Variants in TIMP2 observed in about 807,000 individuals in gnomAD.
The protein encoded by TIMP2 is TIMP metallopeptidase inhibitor 2, also known as metalloproteinase inhibitor 2.
TIMP2 carries 5 observed loss-of-function variants against 24.3 expected under a neutral mutation model. That is an observed-to-expected ratio of 0.21 (90% CI 0.11 to 0.43). The LOEUF (loss-of-function observed/expected upper bound fraction) is 0.43, where lower values mean the gene tolerates loss of function less well. TIMP2 is among the 20% of genes least tolerant of loss of function. The probability of loss-of-function intolerance (pLI) is 1.00; values close to 1 mark genes in which losing one functional copy is unlikely to be tolerated. For synonymous variants in TIMP2, 130 were observed against 123.2 expected (o/e 1.06, Z -0.37); for missense variants, 221 against 297.5 (o/e 0.74, Z 1.89).
In TIMP2 at chr17:78,924,731, G is replaced by A. The variant is rs2070335553; in HGVS notation, c.130+228C>T. 6.6e-6 allele frequency among the ~76,000 whole-genome samples: 1 copy of A among 152,092 alleles called. No homozygotes were observed. Among genetic ancestry groups the A allele is most frequent in the South Asian group, 2.1e-4 (1 of 4,818 alleles). On this transcript the variant is annotated intron_variant, in intron 1 of 4. Transcript: ENST00000262768. This position sits in a 1 kb window ranked among gnomAD's most constrained non-coding sequence, Gnocchi z 5.3. ...TGCGGCGGAATTTCGGTGGAATTTTGAGGTTGAGACGCATCTCGGCAAAGA... is the reference window on the plus strand; with the variant it reads ...TGCGGCGGAATTTCGGTGGAATTTTAAGGTTGAGACGCATCTCGGCAAAGA...
rs151212651 is a variant in TIMP2, at chr17:78,876,648, C to A, written c.131-2729G>T. Among the ~76,000 whole-genome samples the A allele has an allele frequency of 4.7e-3, 717 of 152,178 alleles. 1 individual carries two copies. The highest frequency in any genetic ancestry group is 0.017 in the African/African-American group (690 of 41,488). On this transcript the variant is annotated intron_variant, in intron 1 of 4. Coordinates refer to ENST00000262768, the MANE Select transcript of TIMP2 (RefSeq NM_003255.5). ...TCTCCTGCCTCAGCCTCCTGAGTAG[C>A]TGGGGTTACAGGTAACTGCCACCTT... is the stretch of plus-strand genomic sequence containing the variant.
Position 78,892,195 on chromosome 17 carries a change from T to C in TIMP2, c.131-18276A>G, listed in dbSNP as rs1292503423. On this transcript the variant is annotated intron_variant, in intron 1 of 4. Transcript: ENST00000262768. ...CAGCCAAGCGCTGGAGCTGGTAGTTTTTCCACAGCTTGGCATCCGCTCTTC... is the reference window on the plus strand; with the variant it reads ...CAGCCAAGCGCTGGAGCTGGTAGTTCTTCCACAGCTTGGCATCCGCTCTTC... 9 of 1,551,052 alleles carry C rather than the reference T, an allele frequency of 5.8e-6. No homozygotes were observed. In the South Asian group the frequency reaches 1.1e-4, roughly 18 times the overall value.
In TIMP2 at chr17:78,873,872, C is replaced by T. The variant is rs2069706618; in HGVS notation, c.178G>A (p.Asp60Asn). Residue 60 changes from aspartate to asparagine, a missense_variant, in exon 2 of 5, where the codon GAC becomes AAC. Transcript: ENST00000262768. ...VSEKEVDSGNDIYGNPIKRIQ... is the reference protein window; with the variant it reads ...VSEKEVDSGNNIYGNPIKRIQ... Reference sequence around the variant, plus strand: ...CTCTTGATAGGGTTGCCATAAATGTCGTTTCCAGAGTCCACTTCCTTCTCA... The same window carrying T: ...CTCTTGATAGGGTTGCCATAAATGTTGTTTCCAGAGTCCACTTCCTTCTCA... 1 of 1,613,460 alleles carries T rather than the reference C, an allele frequency of 6.2e-7. No homozygotes were observed. The highest frequency in any genetic ancestry group is 8.5e-7 in the Non-Finnish European group (1 of 1,180,006).
At chr17:78,915,644 C>T (rs954343476) in intron 1 of TIMP2, among the ~76,000 whole-genome samples, 4 of 151,894 alleles carry the variant, frequency 2.6e-5, no homozygotes, top group South Asian at 2.1e-4. Context: ...CTCAGCCTCC[C>T]GAGTAGCTGG....
intron 1 of TIMP2, among the ~76,000 whole-genome samples, chr17:78,910,217 G>A (rs540913028): frequency 8.0e-5 from 12 of 150,832 alleles, no homozygotes; most frequent in African/African-American, 2.7e-4. Context: ...TTGAGACACG[G>A]AGTCTCGCTC....
Position 78,855,545 on chromosome 17 carries a change from A to G in TIMP2, c.*122T>C. 8.7e-7 allele frequency: 1 copy of G among 1,150,546 alleles called. No homozygotes were observed. The highest frequency in any genetic ancestry group is 2.6e-4 in the Middle Eastern group (1 of 3,786). 71.3% of individuals were successfully genotyped at this position (1,150,546 alleles called of 1,614,324 possible). A position where few individuals can be genotyped will look rare whatever the true frequency, so the allele number is the denominator to read the frequency against. On this transcript the variant is annotated 3_prime_UTR_variant, in exon 5 of 5. Coordinates refer to ENST00000262768, the MANE Select transcript of TIMP2 (RefSeq NM_003255.5). The surrounding 1 kb of genome is among the most constrained non-coding windows in gnomAD (Gnocchi z 6.0). ...AGAAGGGGGGAGCAGAATCATATTA[A>G]TTTGGACCCATGGGATGAGTGTTTT... is the stretch of plus-strand genomic sequence containing the variant.
At chr17:78,871,801 G>T (rs555901063) in intron 2 of TIMP2, among the ~76,000 whole-genome samples, 1 of 150,592 alleles carries the variant, frequency 6.6e-6, no homozygotes, top group South Asian at 2.1e-4. Flanking sequence ...AGCCATGATC[G>T]TGCCACTGCG....
In TIMP2 at chr17:78,924,602, C is replaced by T. The variant is rs1407353971; in HGVS notation, c.130+357G>A. ...CTGGGGTCCCCAGTCCTCCAGCCCC[C>T]CGCCCCCACGCCGTGTCCCCCACGC... is the stretch of plus-strand genomic sequence containing the variant. On this transcript the variant is annotated intron_variant, in intron 1 of 4. Transcript: ENST00000262768. The surrounding 1 kb of genome is among the most constrained non-coding windows in gnomAD (Gnocchi z 5.3). 6.6e-6 allele frequency among the ~76,000 whole-genome samples: 1 copy of T among 152,122 alleles called. No homozygotes were observed. Among genetic ancestry groups the T allele is most frequent in the Non-Finnish European group, 1.5e-5 (1 of 67,998 alleles).
At chr17:78,874,756 T>C (rs1425549213) in intron 1 of TIMP2, among the ~76,000 whole-genome samples, 1 of 150,492 alleles carries the variant, frequency 6.6e-6, no homozygotes, top group Non-Finnish European at 1.5e-5. Flanking sequence ...TTTTTTTTTT[T>C]TTCAGACGGA....
In TIMP2 at chr17:78,855,604, T is replaced by C; in HGVS notation, c.*63A>G. ...TGTTTCCAGGAAGGGATGTCAGAGC[T>C]GGACCAGTCGAAACCCTTGGAGGCT... On this transcript the variant is annotated 3_prime_UTR_variant, in exon 5 of 5. Coordinates refer to ENST00000262768, the MANE Select transcript of TIMP2 (RefSeq NM_003255.5). This position sits in a 1 kb window ranked among gnomAD's most constrained non-coding sequence, Gnocchi z 6.0. The C allele has an allele frequency of 6.4e-7, 1 of 1,572,608 alleles. No individual in the cohort carries two copies. The highest frequency in any genetic ancestry group is 8.7e-7 in the Non-Finnish European group (1 of 1,153,954).
chr17:78,918,062 A>ACGCG (rs1555652939), intron 1 of TIMP2, among the ~76,000 whole-genome samples: 37 of 58,622 alleles, frequency 6.3e-4, no homozygotes, highest in African/African-American at 2.7e-3. Flanking sequence ...GCGTGCACAC[A>ACGCG]CAAACACACA....
intron 2 of TIMP2, among the ~76,000 whole-genome samples, chr17:78,872,000 T>C (rs1351320254): frequency 2.0e-5 from 3 of 151,990 alleles, no homozygotes; most frequent in African/African-American, 7.2e-5. Context: ...CCATGACTTT[T>C]GCATATTTCC....
At chr17:78,866,794 T>C (rs982878847) in intron 3 of TIMP2, among the ~76,000 whole-genome samples, 1 of 152,132 alleles carries the variant, frequency 6.6e-6, no homozygotes, top group African/African-American at 2.4e-5. Flanking sequence ...GTCACACGTA[T>C]GATTCCGTTC....
chr17:78,866,716 A>G (rs988900843), intron 3 of TIMP2, among the ~76,000 whole-genome samples: 1 of 152,172 alleles, frequency 6.6e-6, no homozygotes, highest in Non-Finnish European at 1.5e-5. Context: ...CATAGAAAGG[A>G]ATGAAATTCT....
intron 1 of TIMP2, chr17:78,901,979 A>C (rs1599170294): frequency 1.7e-6 from 1 of 583,466 alleles, no homozygotes; most frequent in Non-Finnish European, 3.1e-6. Flanking sequence ...AACATTTTTA[A>C]CTCCGTTTCT....
chr17:78,874,081 G>A (rs1464797410), intron 1 of TIMP2, 162 bp from the exon 2 acceptor site: 1 of 565,842 alleles, frequency 1.8e-6, no homozygotes, highest in Non-Finnish European at 3.1e-6. Flanking sequence ...CCCCCGGCAT[G>A]GCGTCTCCTC....
At chr17:78,923,396 T>TGGGGG (rs1255104339) in intron 1 of TIMP2, among the ~76,000 whole-genome samples, 4 of 47,694 alleles carry the variant, frequency 8.4e-5, no homozygotes, top group African/African-American at 1.8e-4. Flanking sequence ...TGGGGCGGGG[T>TGGGGG]GGGGGGGGGG....
chr17:78,866,889 A>G (rs779866182), intron 3 of TIMP2, among the ~76,000 whole-genome samples: 14 of 152,134 alleles, frequency 9.2e-5, no homozygotes, highest in Non-Finnish European at 1.3e-4. Context: ...GAGGGGAGTC[A>G]GGAGGGTAAT....
intron 3 of TIMP2, among the ~76,000 whole-genome samples, chr17:78,870,395 G>A (rs976180658): frequency 9.7e-5 from 14 of 143,594 alleles, no homozygotes; most frequent in Non-Finnish European, 1.8e-4. Context: ...CAGCCTGGGC[G>A]ACAGAGCGAC....
Sources: allele counts gnomAD v4.1 joint callset (sites outside exome capture counted in the v4.1 genomes callset), GRCh38; gene constraint gnomAD v4.1.1; non-coding constraint Gnocchi (gnomAD v3.1); transcripts MANE v1.5; gene names NCBI Gene and HGNC (gene_info 2026-07-23, HGNC 2026-07-21).